SIPA1L2: variants seen among roughly 807,000 people sequenced by gnomAD.
The protein encoded by SIPA1L2 is signal-induced proliferation-associated 1-like protein 2.
Under a neutral mutation model 163.9 loss-of-function variants are expected in SIPA1L2, and 56 were observed. The observed-to-expected ratio is 0.34, with a 90% CI of 0.28 to 0.43. The LOEUF is 0.43. Among genes scored for constraint, SIPA1L2 ranks in the 20% least tolerant of loss-of-function variants. SIPA1L2 has a pLI of 1.00. For missense variants in SIPA1L2, 1,974 were observed against 2,193.5 expected, an observed-to-expected ratio of 0.90 and a Z score of 2.00; for synonymous variants, 877 against 865.7, an observed-to-expected ratio of 1.01 and a Z score of -0.23.
At chr1:232,543,485 T>C (rs1222735239) in intron 2 of SIPA1L2, among the ~76,000 whole-genome samples, 3 of 147,880 alleles carry the variant, frequency 2.0e-5, no homozygotes, top group Non-Finnish European at 4.5e-5. Context: ...CCTTTCTTTA[T>C]AGGATCCACT....
intron 12 of SIPA1L2, among the ~76,000 whole-genome samples, chr1:232,442,663 A>G (rs894600252): frequency 3.9e-5 from 6 of 152,204 alleles, no homozygotes; most frequent in African/African-American, 9.6e-5. Context: ...ACTTATTGAC[A>G]TTACAAAGTG....
chr1:232,411,817 C>A (rs999840930), intron 19 of SIPA1L2, among the ~76,000 whole-genome samples: 21 of 152,140 alleles, frequency 1.4e-4, no homozygotes, highest in Non-Finnish European at 2.9e-4. Flanking sequence ...TTGTCATATT[C>A]ATTAATTCTT....
chr1:232,484,080 T>C (rs1486774999), intron 5 of SIPA1L2, 114 bp from the exon 6 acceptor site: 1 of 967,242 alleles, frequency 1.0e-6, no homozygotes. Flanking sequence ...GCCAGAACAA[T>C]TCCCATAAGT....
intron 1 of SIPA1L2, among the ~76,000 whole-genome samples, chr1:232,609,760 G>A (rs1164495437): frequency 6.6e-6 from 1 of 151,224 alleles, no homozygotes; most frequent in Non-Finnish European, 1.5e-5. Context: ...TACCTGGGAG[G>A]CGGAGCTTGC....
In SIPA1L2 at chr1:232,608,757, A is replaced by G. The variant is rs147367526; in HGVS notation, c.-319+21112T>C. ...AGCACTCCAACTAAGGTAGAGGCACATGGGCGAGAAATACACCACAGAGGA... is the reference window on the plus strand; with the variant it reads ...AGCACTCCAACTAAGGTAGAGGCACGTGGGCGAGAAATACACCACAGAGGA... On this transcript the variant is annotated intron_variant, in intron 1 of 22. Transcript: ENST00000674635. Among the ~76,000 whole-genome samples, 238 of 152,290 alleles carry G rather than the reference A, an allele frequency of 1.6e-3. 1 individual carries two copies. The highest frequency in any genetic ancestry group is 5.7e-3 in the African/African-American group (235 of 41,556).
At chr1:232,519,677 TCAAA>T (rs1350901856) in intron 2 of SIPA1L2, among the ~76,000 whole-genome samples, 6 of 152,216 alleles carry the variant, frequency 3.9e-5, no homozygotes, top group African/African-American at 1.4e-4. Context: ...TGCAGAGTCC[TCAAA>T]CAAAAAGGCC....
chr1:232,416,003 C>T (rs1370261384), intron 18 of SIPA1L2: 5 of 219,432 alleles, frequency 2.3e-5, no homozygotes, highest in Non-Finnish European at 3.2e-5. Flanking sequence ...AGTCAGAACA[C>T]GGGCACCACT....
chr1:232,462,486 G>A, intron 9 of SIPA1L2: 1 of 855,312 alleles, frequency 1.2e-6, no homozygotes, highest in South Asian at 2.2e-5. Flanking sequence ...TACCACAAGT[G>A]CACACAATGC....
At chr1:232,551,674 G>A (rs1658390469) in intron 2 of SIPA1L2, among the ~76,000 whole-genome samples, 1 of 152,230 alleles carries the variant, frequency 6.6e-6, no homozygotes, top group African/African-American at 2.4e-5. Flanking sequence ...CCAGAGAGCA[G>A]GAGGGCGGAA....
intron 10 of SIPA1L2, among the ~76,000 whole-genome samples, chr1:232,457,516 A>C (rs554161750): frequency 1.7e-3 from 253 of 152,258 alleles, no homozygotes; most frequent in African/African-American, 6.0e-3. Context: ...TGTCCATTTA[A>C]ATAATATTTC....
At chr1:232,450,187 T>C (rs2102887020) in intron 10 of SIPA1L2, among the ~76,000 whole-genome samples, 1 of 152,358 alleles carries the variant, frequency 6.6e-6, no homozygotes, top group Non-Finnish European at 1.5e-5. Context: ...ACCTCTCTTA[T>C]TTAGTTTAAG....
intron 6 of SIPA1L2, among the ~76,000 whole-genome samples, chr1:232,482,897 A>T (rs1307448157): frequency 6.6e-6 from 1 of 152,234 alleles, no homozygotes; most frequent in Non-Finnish European, 1.5e-5. Flanking sequence ...TTGGGGCAAG[A>T]AGCTCCTTCA....
intron 1 of SIPA1L2, among the ~76,000 whole-genome samples, chr1:232,625,659 G>A (rs1214301939): frequency 3.9e-5 from 6 of 152,244 alleles, no homozygotes; most frequent in South Asian, 2.1e-4. Flanking sequence ...TCATGTTCAC[G>A]GGTCACGTTA....
intron 1 of SIPA1L2, among the ~76,000 whole-genome samples, chr1:232,609,493 T>C (rs1662128959): frequency 6.6e-6 from 1 of 152,012 alleles, no homozygotes; most frequent in African/African-American, 2.4e-5. Context: ...TCCCCTAAAA[T>C]AGTGTTATCA....
Position 232,495,673 on chromosome 1 carries a change from T to C in SIPA1L2, c.1484-2013A>G, listed in dbSNP as rs531799256. 2.6e-5 allele frequency among the ~76,000 whole-genome samples: 4 copies of C among 152,290 alleles called. No individual in the cohort carries two copies. In the East Asian group the frequency reaches 7.7e-4, roughly 29 times the overall value. ...GTTTTAGTGGGTAATAAATCCCTTA[T>C]GCTGCATAATGCTGCTTTGGTCAGC... On this transcript the variant is annotated intron_variant, in intron 3 of 22. Coordinates refer to ENST00000674635, the MANE Select transcript of SIPA1L2 (RefSeq NM_020808.5).
chr1:232,614,333 T>C (rs1662397387), intron 1 of SIPA1L2, among the ~76,000 whole-genome samples: 1 of 152,168 alleles, frequency 6.6e-6, no homozygotes, highest in Non-Finnish European at 1.5e-5. Context: ...TCAGGCACCA[T>C]AAATCAGCAG....
chr1:232,447,502 G>A (rs1356868668), intron 10 of SIPA1L2, among the ~76,000 whole-genome samples: 3 of 152,236 alleles, frequency 2.0e-5, no homozygotes, highest in Admixed American at 1.3e-4. Context: ...TTTAAAAAAG[G>A]TGTGTGCTCT....
At position 232,439,152 on chromosome 1, in the gene SIPA1L2, C is replaced by G. The variant is rs764692765; in HGVS notation, c.3987G>C (p.Ala1329=). ...CACTGAGATCGCCCATGCTGCCTTC[C>G]GCAGCACTGCCGGCGGAGATGGTGG... ...YASTISAGSA[A]EGSMGDLSEI... is the part of the protein sequence containing the mutation. The change falls in exon 15 of 23, where the codon GCG becomes GCC. Residue 1329 remains alanine, a synonymous_variant. Transcript: ENST00000674635. 1 of 1,612,856 alleles carries G rather than the reference C, an allele frequency of 6.2e-7. No homozygotes were observed. Among genetic ancestry groups the G allele is most frequent in the African/African-American group, 1.3e-5 (1 of 74,950 alleles).
At chr1:232,401,842 C>T (rs978991321) in intron 22 of SIPA1L2, among the ~76,000 whole-genome samples, 2 of 152,242 alleles carry the variant, frequency 1.3e-5, no homozygotes, top group Non-Finnish European at 2.9e-5. Flanking sequence ...TACCGCACCC[C>T]ATTCCGTTTC....
Sources: allele counts gnomAD v4.1 joint callset (sites outside exome capture counted in the v4.1 genomes callset), GRCh38; gene constraint gnomAD v4.1.1; transcripts MANE v1.5; gene names NCBI Gene and HGNC (gene_info 2026-07-23, HGNC 2026-07-21).